The following TXN2 variants were observed in gnomAD, a reference collection of about 807,000 sequenced individuals.
TXN2 encodes the protein thioredoxin 2, also known as thioredoxin, mitochondrial.
In TXN2, 12 loss-of-function variants were observed where a neutral mutation model predicts 14.6. The ratio of observed to expected loss-of-function variants is 0.82; its 90% CI spans 0.53 to 1.33. TXN2 has a LOEUF of 1.33. Among genes scored for constraint, TXN2 ranks in the 40% most tolerant of loss-of-function variants. TXN2 has a pLI of 0.00. For synonymous variants in TXN2, 89 were observed against 81.0 expected (o/e 1.10, Z -0.53); for missense variants, 173 against 207.7 (o/e 0.83, Z 1.03).
chr22:36,477,976 A>G (rs1179494641), intron 2 of TXN2, among the ~76,000 whole-genome samples: 3 of 152,060 alleles, frequency 2.0e-5, no homozygotes, highest in Admixed American at 1.3e-4. Context: ...GTCTCTACTA[A>G]AAATACAAAG....
intron 3 of TXN2, among the ~76,000 whole-genome samples, chr22:36,473,497 G>A (rs1484307192): frequency 1.3e-5 from 2 of 152,124 alleles, no homozygotes; most frequent in Non-Finnish European, 2.9e-5. Context: ...GGGCACTGTA[G>A]TTCTCTCAGA....
intron 2 of TXN2, among the ~76,000 whole-genome samples, chr22:36,479,959 C>T (rs1933465173): frequency 6.6e-6 from 1 of 151,532 alleles, no homozygotes; most frequent in Non-Finnish European, 1.5e-5. Flanking sequence ...CTTCAGCTCA[C>T]TACAAACACT....
chr22:36,471,827 G>A (rs554080938), intron 3 of TXN2, among the ~76,000 whole-genome samples: 19 of 152,184 alleles, frequency 1.2e-4, no homozygotes, highest in African/African-American at 2.4e-4. Flanking sequence ...AAATTAGGCC[G>A]GGCGTGGTGG....
chr22:36,474,429 G>A (rs1410601600), intron 3 of TXN2, among the ~76,000 whole-genome samples: 2 of 152,188 alleles, frequency 1.3e-5, no homozygotes, highest in African/African-American at 4.8e-5. Context: ...CTTGCTGCAG[G>A]AGACTGGTTC....
At chr22:36,473,096 G>T (rs568942587) in intron 3 of TXN2, among the ~76,000 whole-genome samples, 1 of 152,010 alleles carries the variant, frequency 6.6e-6, no homozygotes, top group Non-Finnish European at 1.5e-5. Flanking sequence ...CACTTGAGGT[G>T]AGGAGTTTGA....
intron 3 of TXN2, among the ~76,000 whole-genome samples, chr22:36,470,901 A>G (rs13058150): frequency 5.3e-5 from 8 of 152,146 alleles, no homozygotes; most frequent in Non-Finnish European, 7.4e-5. Context: ...ATGTGCTGTC[A>G]ATGGAGGTCT....
chr22:36,469,886 G>T (rs779771177), intron 3 of TXN2, among the ~76,000 whole-genome samples: 1 of 152,162 alleles, frequency 6.6e-6, no homozygotes, highest in Non-Finnish European at 1.5e-5. Flanking sequence ...AACCCGGGAG[G>T]CAGAGGTTGC....
intron 3 of TXN2, among the ~76,000 whole-genome samples, chr22:36,473,353 G>C (rs1933321344): frequency 6.6e-6 from 1 of 152,190 alleles, no homozygotes; most frequent in Non-Finnish European, 1.5e-5. Context: ...TGAGGCAGGA[G>C]AATCGCTTGA....
chr22:36,474,265 C>T (rs1179568211), intron 3 of TXN2, among the ~76,000 whole-genome samples: 5 of 152,170 alleles, frequency 3.3e-5, no homozygotes, highest in African/African-American at 1.2e-4. Context: ...CTCCAGTGGT[C>T]ACCTGTAGTG....
intron 2 of TXN2, among the ~76,000 whole-genome samples, chr22:36,477,741 G>C (rs1933415114): frequency 6.6e-6 from 1 of 152,160 alleles, no homozygotes; most frequent in Non-Finnish European, 1.5e-5. Flanking sequence ...TCTGCAAAGA[G>C]AACACACCTT....
At position 36,467,892 on chromosome 22, in the gene TXN2, G is replaced by A; in HGVS notation, c.413C>T (p.Ala138Val). Residue 138 changes from alanine (A) to valine (V), a missense_variant, in exon 4 of 4, where the codon GCC becomes GTC. Ala to Val is a moderately conservative substitution (Grantham distance 64). Transcript: ENST00000216185. ...GTCCACCACGTCCCCATTCTTCATG[G>A]CCAGCACAGTGGGCACCGCTGACAC... ...YEVSAVPTVL[A>V]MKNGDVVDKF... 6.2e-7 allele frequency: 1 copy of A among 1,614,216 alleles called. No homozygotes were observed. The highest frequency in any genetic ancestry group is 8.5e-7 in the Non-Finnish European group (1 of 1,180,030).
intron 3 of TXN2, among the ~76,000 whole-genome samples, chr22:36,473,578 G>A (rs1425632231): frequency 2.6e-5 from 4 of 152,190 alleles, no homozygotes; most frequent in African/African-American, 7.2e-5. Context: ...GAGGGAGAGA[G>A]GGAGGGGGTC....
In TXN2 at chr22:36,480,706, TAC is replaced by T; in HGVS notation, c.130_131del (p.Val44AsnfsTer19). 3.7e-6 allele frequency: 6 copies of T among 1,614,130 alleles called. No individual in the cohort carries two copies. Among genetic ancestry groups the T allele is most frequent in the Non-Finnish European group, 5.1e-6 (6 of 1,180,036 alleles). On this transcript the variant is annotated frameshift_variant, in exon 2 of 4. Transcript: ENST00000216185. LOFTEE classifies it high-confidence loss of function. ...TPQCSPGGLTVTPNPARTIYT... is the reference protein window; with the variant it reads ...TPQCSPGGLTXTPNPARTIYT... ...ATATTGTCCGGGCTGGGTTGGGTGT[TAC>T]AGTCAGGCCACCAGGACTGCATTGT...
intron 3 of TXN2, 66 bp downstream of exon 3, chr22:36,476,667 C>A: frequency 6.2e-7 from 1 of 1,604,118 alleles, no homozygotes. Flanking sequence ...CCTCCTACAC[C>A]AGCTATCCCT....
At chr22:36,477,715 A>G (rs1216635515) in intron 2 of TXN2, among the ~76,000 whole-genome samples, 1 of 152,164 alleles carries the variant, frequency 6.6e-6, no homozygotes, top group Non-Finnish European at 1.5e-5. Flanking sequence ...TGCTTTTACC[A>G]AACACACCCC....
intron 2 of TXN2, 122 bp downstream of exon 2, chr22:36,480,453 G>A: frequency 7.6e-7 from 1 of 1,322,672 alleles, no homozygotes; most frequent in Non-Finnish European, 1.0e-6. Flanking sequence ...GACTGGGCCT[G>A]ACCAGTCTGT....
At chr22:36,475,140 G>C (rs552963991) in intron 3 of TXN2, among the ~76,000 whole-genome samples, 1 of 152,386 alleles carries the variant, frequency 6.6e-6, no homozygotes, top group African/African-American at 2.4e-5. Context: ...CACTTTGGGA[G>C]GCCAAGGCAG....
chr22:36,472,640 A>C (rs1933306042), intron 3 of TXN2, among the ~76,000 whole-genome samples: 1 of 152,082 alleles, frequency 6.6e-6, no homozygotes, highest in Non-Finnish European at 1.5e-5. Context: ...ACAACAACAA[A>C]AAATGAGATC....
At chr22:36,468,621 A>AGGCTGAG (rs770307824) in intron 3 of TXN2, 1 of 446,738 alleles carries the variant, frequency 2.2e-6, no homozygotes, top group South Asian at 1.6e-5. Flanking sequence ...CATACTCGGG[A>AGGCTGAG]GGCTGAGGCA....
Sources: allele counts gnomAD v4.1 joint callset (sites outside exome capture counted in the v4.1 genomes callset), GRCh38; gene constraint gnomAD v4.1.1; transcripts MANE v1.5; gene names NCBI Gene and HGNC (gene_info 2026-07-23, HGNC 2026-07-21).